The following NRXN1 variants were observed in gnomAD, a reference collection of about 807,000 sequenced individuals.
NRXN1 encodes neurexin 1.
NRXN1 carries 39 observed loss-of-function variants against 150.9 expected under a neutral mutation model. The ratio of observed to expected loss-of-function variants is 0.26; its 90% CI spans 0.20 to 0.34. The LOEUF (loss-of-function observed/expected upper bound fraction) is 0.34. Ranked by LOEUF, NRXN1 falls within the 10% of genes least tolerant of loss-of-function variation. The pLI, the probability that NRXN1 is intolerant of heterozygous loss-of-function variation, is 1.00. For missense variants in NRXN1, 1,815 were observed against 1,949.9 expected (o/e 0.93, Z 1.30); for synonymous variants, 924 against 757.0 (o/e 1.22, Z -3.62).
At chr2:51,026,925 G>C (rs1670580204) in intron 2 of NRXN1, among the ~76,000 whole-genome samples, 1 of 152,200 alleles carries the variant, frequency 6.6e-6, no homozygotes, top group East Asian at 1.9e-4. Flanking sequence ...ACGAAAAGCA[G>C]GTTTTTACCG....
At chr2:50,314,401 G>A (rs532333075) in intron 17 of NRXN1, among the ~76,000 whole-genome samples, 1 of 151,928 alleles carries the variant, frequency 6.6e-6, no homozygotes, top group East Asian at 1.9e-4. Flanking sequence ...CACTCCATCC[G>A]GCCTTTCCCT....
At chr2:50,417,107 C>T (rs1004839370) in intron 17 of NRXN1, 3 of 152,072 alleles carry the variant, frequency 2.0e-5, no homozygotes, top group African/African-American at 7.2e-5. Context: ...GAGATTGAGA[C>T]TGAATTTCAT....
At chr2:50,427,068 G>A (rs1240766826) in intron 17 of NRXN1, among the ~76,000 whole-genome samples, 1 of 152,118 alleles carries the variant, frequency 6.6e-6, no homozygotes, top group Non-Finnish European at 1.5e-5. Flanking sequence ...ACATTCCAGT[G>A]ATGTCTCACA....
chr2:50,223,371 C>A (rs1347023103), intron 18 of NRXN1, among the ~76,000 whole-genome samples: 1 of 151,958 alleles, frequency 6.6e-6, no homozygotes, highest in African/African-American at 2.4e-5. Context: ...CAACACCCTT[C>A]TCAATAACCA....
chr2:50,129,841 A>G (rs556529147), intron 18 of NRXN1, among the ~76,000 whole-genome samples: 1 of 152,354 alleles, frequency 6.6e-6, no homozygotes, highest in East Asian at 1.9e-4. Context: ...GAAAGTCTCC[A>G]CATTAAATTT....
At chr2:50,437,964 A>C (rs1037496218) in intron 17 of NRXN1, among the ~76,000 whole-genome samples, 53 of 152,218 alleles carry the variant, frequency 3.5e-4, no homozygotes, top group African/African-American at 1.2e-3. Flanking sequence ...ATAGTGCAAC[A>C]AGGAAAGAGG....
At chr2:50,096,326 A>G (rs1700212940) in intron 18 of NRXN1, among the ~76,000 whole-genome samples, 1 of 152,230 alleles carries the variant, frequency 6.6e-6, no homozygotes, top group South Asian at 2.1e-4. Flanking sequence ...TTACTATTTA[A>G]TTCAGAAACT....
Position 50,624,296 on chromosome 2 carries a change from A to C in NRXN1, c.833-681T>G, listed in dbSNP as rs146984557. ...TTCTTGAAAATTCAATTAATTTTTC[A>C]GTATCACTGCAAGAGCTCTGATCAG... is the stretch of plus-strand genomic sequence containing the variant. On this transcript the variant is annotated intron_variant, in intron 5 of 22. Transcript: ENST00000401669. Among the ~76,000 whole-genome samples, 19 of 152,238 alleles carry C rather than the reference A, an allele frequency of 1.2e-4. No homozygotes were observed. The East Asian group carries it at 3.7e-3, about 29-fold the overall frequency.
chr2:50,604,253 T>C (rs962268437), intron 8 of NRXN1, among the ~76,000 whole-genome samples: 10 of 152,202 alleles, frequency 6.6e-5, no homozygotes, highest in Admixed American at 6.5e-4. Context: ...CTTGCATCAT[T>C]TGCTTCTGTA....
At chr2:50,305,391 T>G (rs2074522427) in intron 17 of NRXN1, among the ~76,000 whole-genome samples, 1 of 152,256 alleles carries the variant, frequency 6.6e-6, no homozygotes, top group Non-Finnish European at 1.5e-5. Flanking sequence ...AATAGCCATT[T>G]AATTTTGTAA....
At chr2:51,022,833 T>C (rs1396427138) in intron 2 of NRXN1, among the ~76,000 whole-genome samples, 1 of 152,190 alleles carries the variant, frequency 6.6e-6, no homozygotes, top group Non-Finnish European at 1.5e-5. Context: ...ATTTTGTCAC[T>C]AGAACATGTA....
chr2:51,025,384 C>A (rs1036497945), intron 2 of NRXN1, among the ~76,000 whole-genome samples: 1 of 152,180 alleles, frequency 6.6e-6, no homozygotes, highest in African/African-American at 2.4e-5. Flanking sequence ...TCTAATTCTG[C>A]TTCTCTTTAA....
intron 5 of NRXN1, among the ~76,000 whole-genome samples, chr2:50,868,180 T>C (rs1277872529): frequency 1.0e-5 from 1 of 98,210 alleles, no homozygotes; most frequent in Non-Finnish European, 2.2e-5. Flanking sequence ...TATATATATA[T>C]ATATATATGC....
At chr2:50,377,910 G>A (rs2080646061) in intron 17 of NRXN1, among the ~76,000 whole-genome samples, 1 of 152,158 alleles carries the variant, frequency 6.6e-6, no homozygotes, top group South Asian at 2.1e-4. Context: ...ATAAGCTATA[G>A]TTGCTCCATA....
At chr2:50,874,480 T>C (rs1472090513) in intron 5 of NRXN1, among the ~76,000 whole-genome samples, 1 of 151,780 alleles carries the variant, frequency 6.6e-6, no homozygotes, top group Non-Finnish European at 1.5e-5. Flanking sequence ...ACTTCAGGAT[T>C]CTTTTCTTCT....
At chr2:50,027,106 T>C (rs1157223360) in intron 21 of NRXN1, among the ~76,000 whole-genome samples, 4 of 151,804 alleles carry the variant, frequency 2.6e-5, no homozygotes, top group African/African-American at 9.7e-5. Context: ...ATGGTCTCGA[T>C]CTCCTGACCT....
At chr2:50,822,061 A>T (rs1669818638) in intron 5 of NRXN1, among the ~76,000 whole-genome samples, 1 of 152,154 alleles carries the variant, frequency 6.6e-6, no homozygotes, top group South Asian at 2.1e-4. Context: ...TTTGGTCTTC[A>T]TTGTATTTAA....
At chr2:50,303,554 G>C (rs1009054054) in intron 17 of NRXN1, among the ~76,000 whole-genome samples, 2 of 152,056 alleles carry the variant, frequency 1.3e-5, no homozygotes, top group African/African-American at 4.8e-5. Flanking sequence ...TTATCCCTCT[G>C]ATTGAGAGCA....
chr2:50,179,582 A>G (rs1169356160), intron 18 of NRXN1, among the ~76,000 whole-genome samples: 2 of 152,156 alleles, frequency 1.3e-5, no homozygotes, highest in African/African-American at 4.8e-5. Context: ...CAAAGGCACT[A>G]ATCAGGAGAA....
Sources: gnomAD v4.1 joint callset for allele counts (sites outside exome capture counted in the v4.1 genomes callset) on GRCh38, gnomAD v4.1.1 for gene constraint, MANE v1.5 for transcripts, NCBI Gene and HGNC (gene_info 2026-07-23, HGNC 2026-07-21) for gene names.